Variants in PSMA7 observed in about 807,000 individuals in gnomAD.
PSMA7 encodes proteasome subunit alpha type-7.
A neutral mutation model predicts 31.3 loss-of-function variants in PSMA7; 5 were observed. The ratio of observed to expected loss-of-function variants is 0.16; its 90% CI spans 0.08 to 0.34. The LOEUF (loss-of-function observed/expected upper bound fraction) is 0.34, where lower values mean the gene tolerates loss of function less well. PSMA7 is among the 10% of genes least tolerant of loss of function. PSMA7 has a pLI of 1.00. For missense variants in PSMA7, 217 were observed against 327.5 expected, an observed-to-expected ratio of 0.66 and a Z score of 2.60; for synonymous variants, 155 against 121.9, an observed-to-expected ratio of 1.27 and a Z score of -1.79.
At chr20:62,139,527 A>T (rs2056914524) in intron 3 of PSMA7, 1 of 721,976 alleles carries the variant, frequency 1.4e-6, no homozygotes, top group African/African-American at 1.8e-5. Context: ...GTCACTCAGG[A>T]TGGCAAGACA....
intron 1 of PSMA7, among the ~76,000 whole-genome samples, chr20:62,141,706 T>C (rs1302992719): frequency 6.6e-6 from 1 of 152,220 alleles, no homozygotes; most frequent in Non-Finnish European, 1.5e-5. Flanking sequence ...CACAATGCAC[T>C]GTTTCCTGCA....
chr20:62,139,318 G>T, intron 3 of PSMA7, 121 bp from the exon 4 acceptor site: 1 of 1,262,232 alleles, frequency 7.9e-7, no homozygotes, highest in Non-Finnish European at 1.1e-6. Flanking sequence ...CAGGTTATCA[G>T]CAGTTCAAAT....
At position 62,139,189 on chromosome 20, in the gene PSMA7, C is replaced by T. The variant is rs767022314; in HGVS notation, c.357G>A (p.Thr119=). The T allele has an allele frequency of 3.3e-5, 54 of 1,613,774 alleles. No homozygotes were observed. The highest frequency in any genetic ancestry group is 1.7e-4 in the Middle Eastern group (1 of 6,060). The change falls in exon 4 of 7, where the codon ACG becomes ACA. Residue 119 remains threonine (T), a synonymous_variant. Transcript: ENST00000370873. Reference sequence around the variant, plus strand: ...CAAACGGCCTGCGCCCATTGCTCTGCGTATAACGCTAGCAAGAAAAGAAAC... The same window carrying T: ...CAAACGGCCTGCGCCCATTGCTCTGTGTATAACGCTAGCAAGAAAAGAAAC... The part of the protein sequence containing the change: ...RYIASLKQRY[T]QSNGRRPFGI...
Position 62,140,929 on chromosome 20 carries a change from T to C in PSMA7, c.112A>G (p.Arg38Gly). ...TCCACACCAAGAACAACAATGTCTC[T>C]TCCTCGAACACCAACCTTTAATTAA... ...KGSTAVGVRG[R>G]DIVVLGVEKK... Residue 38 changes from arginine to glycine, a missense_variant, in exon 2 of 7, where the codon AGA (arginine) becomes GGA (glycine). Coordinates refer to ENST00000370873, the MANE Select transcript of PSMA7 (RefSeq NM_002792.4). 2 of 1,614,184 alleles carry C rather than the reference T, an allele frequency of 1.2e-6. No homozygotes were observed. The highest frequency in any genetic ancestry group is 1.7e-6 in the Non-Finnish European group (2 of 1,180,028).
Position 62,143,350 on chromosome 20 carries a change from G to T in PSMA7, c.-47C>A, listed in dbSNP as rs377625799. On this transcript the variant is annotated 5_prime_UTR_variant, in exon 1 of 7. Transcript: ENST00000370873. ...TCCTTCCGCCGCGACTCTCAAAAGC[G>T]CACACTCACGGCCCGCGCGCACCCG... 1.1e-4 allele frequency: 138 copies of T among 1,248,200 alleles called. No individual in the cohort carries two copies. The highest frequency in any genetic ancestry group is 1.3e-4 in the Non-Finnish European group (127 of 953,640). The allele number at this position is 1,248,200 out of a possible 1,614,324, so 77.3% of individuals were successfully genotyped here. A position where few individuals can be genotyped will look rare whatever the true frequency, so the allele number is the denominator to read the frequency against.
rs1012871458 is a variant in PSMA7, at chr20:62,137,561, C to G, written c.592-135G>C. The G allele has an allele frequency of 6.0e-6, 5 of 826,832 alleles. No individual in the cohort carries two copies. In the African/African-American group the frequency reaches 8.6e-5, roughly 14 times the overall value. The allele number at this position is 826,832 out of a possible 1,614,324, so 51.2% of individuals were successfully genotyped here. A position where few individuals can be genotyped will look rare whatever the true frequency, so the allele number is the denominator to read the frequency against. ...GAACAGAGGTCCCAGCCCCCAAAACCTGTGTCTTTGTCCTAAACTCATGGC... is the reference window on the plus strand; with the variant it reads ...GAACAGAGGTCCCAGCCCCCAAAACGTGTGTCTTTGTCCTAAACTCATGGC... On this transcript the variant is annotated intron_variant, in intron 5 of 6. Transcript: ENST00000370873.
chr20:62,143,151 C>G (rs1410927884), intron 1 of PSMA7, 57 bp downstream of exon 1: 1 of 1,176,132 alleles, frequency 8.5e-7, no homozygotes, highest in East Asian at 5.3e-5. Context: ...CCTCTCTGGG[C>G]TCCCCAGCCC....
intron 6 of PSMA7, 41 bp downstream of exon 6, chr20:62,137,323 A>G: frequency 2.5e-6 from 4 of 1,596,706 alleles, no homozygotes; most frequent in Non-Finnish European, 3.4e-6. Context: ...ATCATGGGAG[A>G]AAACTGACAG....
chr20:62,138,475 A>G (rs541127279), intron 4 of PSMA7, among the ~76,000 whole-genome samples, 185 bp from the exon 5 acceptor site: 1 of 151,402 alleles, frequency 6.6e-6, no homozygotes, highest in Non-Finnish European at 1.5e-5. Flanking sequence ...AGCTCTTTAG[A>G]GTTGATGCTG....
intron 2 of PSMA7, among the ~76,000 whole-genome samples, chr20:62,140,325 G>C (rs1003867576): frequency 1.3e-5 from 2 of 152,200 alleles, no homozygotes; most frequent in South Asian, 4.1e-4. Context: ...TAGAAATTGA[G>C]TTAATCCCTA....
rs767788366 is a variant in PSMA7, at chr20:62,143,200, C to T, written c.96+8G>A. 95 of 1,387,722 alleles carry T rather than the reference C, an allele frequency of 6.8e-5. 3 individuals carry two copies. In the South Asian group the frequency reaches 1.2e-3, roughly 18 times the overall value. 86.0% of individuals were successfully genotyped at this position (1,387,722 alleles called of 1,614,324 possible). On this transcript the variant is annotated splice_region_variant and intron_variant, in intron 1 of 6. Coordinates refer to ENST00000370873, the MANE Select transcript of PSMA7 (RefSeq NM_002792.4). ...GTCCCCGGCCCCGCGCAGGCCCCGC[C>T]GCCTCACCGCGGTCGAGCCCTTCTT... is the stretch of plus-strand genomic sequence containing the variant.
At chr20:62,137,819 CCT>C (rs747072151) in intron 5 of PSMA7, among the ~76,000 whole-genome samples, 1 of 152,228 alleles carries the variant, frequency 6.6e-6, no homozygotes, top group Admixed American at 6.5e-5. Flanking sequence ...TCTCTAATCC[CCT>C]GACTTTAGCA....
rs372599045 is a variant in PSMA7, at chr20:62,136,970, G to GTTAC, written c.655-25_655-22dup. 9.0e-5 allele frequency: 143 copies of GTTAC among 1,595,310 alleles called. 1 individual carries two copies. The African/African-American group carries it at 1.1e-3, about 13-fold the overall frequency. On this transcript the variant is annotated intron_variant, in intron 6 of 6. Transcript: ENST00000370873. ...AAAATCTATAGAAAAAAACTTCATG[G>GTTAC]TTACCTAAGCCACACAAGGTGCCAA...
chr20:62,139,977 C>T, intron 2 of PSMA7, 72 bp from the exon 3 acceptor site: 1 of 1,547,356 alleles, frequency 6.5e-7, no homozygotes, highest in Non-Finnish European at 8.7e-7. Context: ...ACACGATGAC[C>T]CAGCATTTAA....
intron 6 of PSMA7, 78 bp from the exon 7 acceptor site, chr20:62,137,027 C>T: frequency 6.4e-7 from 1 of 1,554,642 alleles, no homozygotes. Context: ...GGAGGGCGGC[C>T]AGGCTTTGGC....
chr20:62,140,950 A>G lies in PSMA7; in HGVS notation c.97-6T>C, dbSNP rs1288045754. ...TCTCTTCCTCGAACACCAACCTTTAATTAAGATCCACAAACCACGTAAGAA... is the reference window on the plus strand; with the variant it reads ...TCTCTTCCTCGAACACCAACCTTTAGTTAAGATCCACAAACCACGTAAGAA... On this transcript the variant is annotated splice_polypyrimidine_tract_variant and splice_region_variant and intron_variant, in intron 1 of 6. Transcript: ENST00000370873. 4 of 1,613,858 alleles carry G rather than the reference A, an allele frequency of 2.5e-6. No individual in the cohort carries two copies. The Admixed American group carries it at 6.7e-5, about 27-fold the overall frequency.
chr20:62,138,990 G>A, intron 4 of PSMA7, 85 bp downstream of exon 4: 1 of 1,514,604 alleles, frequency 6.6e-7, no homozygotes, highest in Non-Finnish European at 9.0e-7. Flanking sequence ...CTGATACAGG[G>A]CCTACAGCAG....
intron 4 of PSMA7, 52 bp downstream of exon 4, chr20:62,139,023 T>TC: frequency 6.3e-7 from 1 of 1,597,326 alleles, no homozygotes; most frequent in East Asian, 2.2e-5. Flanking sequence ...CTCCCACCCC[T>TC]CAAAGCCTTT....
At chr20:62,138,978 C>G in intron 4 of PSMA7, 97 bp downstream of exon 4, 2 of 1,459,764 alleles carry the variant, frequency 1.4e-6, no homozygotes, top group South Asian at 1.3e-5. Flanking sequence ...CTGACTCATT[C>G]ACTGATACAG....
Sources: gnomAD v4.1 joint callset for allele counts (sites outside exome capture counted in the v4.1 genomes callset) on GRCh38, gnomAD v4.1.1 for gene constraint, MANE v1.5 for transcripts, NCBI Gene and HGNC (gene_info 2026-07-23, HGNC 2026-07-21) for gene names.